The following ANKRD36 variants were observed in gnomAD, a reference collection of about 807,000 sequenced individuals.
ANKRD36 encodes ankyrin repeat domain 36.
Under a neutral mutation model 278.1 loss-of-function variants are expected in ANKRD36, and 179 were observed. That is an observed-to-expected ratio of 0.64 (90% CI 0.57 to 0.73). The LOEUF is 0.73. ANKRD36 is among the 30% of genes least tolerant of loss of function. ANKRD36 has a pLI of 0.00. For synonymous variants in ANKRD36, 320 were observed against 641.1 expected (o/e 0.50, Z 7.57); for missense variants, 1,159 against 1,956.7 (o/e 0.59, Z 7.69).
At chr2:97,116,089 T>C (rs2035246610) in intron 1 of ANKRD36, among the ~76,000 whole-genome samples, 1 of 152,128 alleles carries the variant, frequency 6.6e-6, no homozygotes, top group Non-Finnish European at 1.5e-5. Flanking sequence ...AAATGTAACA[T>C]TTCTTCTTTT....
At position 97,193,018 on chromosome 2, in the gene ANKRD36, C is replaced by G. The variant is rs1384677802; in HGVS notation, c.2414C>G (p.Ala805Gly). 1.8e-5 allele frequency: 29 copies of G among 1,573,182 alleles called. 1 individual carries two copies. Among genetic ancestry groups the G allele is most frequent in the African/African-American group, 1.1e-4 (8 of 73,620 alleles). Reference sequence around the variant, plus strand: ...GAGGAAGGTTCTGTTTTGAGTATAGCCAGAGAAAACAAGGATGGAGAAAAA... The same window carrying G: ...GAGGAAGGTTCTGTTTTGAGTATAGGCAGAGAAAACAAGGATGGAGAAAAA... The part of the protein sequence containing the change: ...SDEEGSVLSI[A>G]RENKDGEKSR... Residue 805 changes from alanine to glycine, a missense_variant, in exon 38 of 76, where the codon GCC becomes GGC. Coordinates refer to ENST00000420699, the MANE Select transcript of ANKRD36 (RefSeq NM_001354587.1).
intron 23 of ANKRD36, 39 bp downstream of exon 23, chr2:97,179,805 T>C: frequency 6.3e-7 from 1 of 1,598,162 alleles, no homozygotes; most frequent in Middle Eastern, 2.0e-4. Context: ...CTATTAACTG[T>C]ATAGTCTATG....
At chr2:97,117,351 G>A (rs542598562) in intron 1 of ANKRD36, among the ~76,000 whole-genome samples, 5 of 151,944 alleles carry the variant, frequency 3.3e-5, no homozygotes, top group African/African-American at 1.2e-4. Flanking sequence ...CCAATTATAT[G>A]AGTAGAACTG....
At chr2:97,164,520 G>T in intron 20 of ANKRD36, 51 bp downstream of exon 20, 1 of 1,517,760 alleles carries the variant, frequency 6.6e-7, no homozygotes, top group Non-Finnish European at 8.8e-7. Flanking sequence ...TGAAAATATT[G>T]AAAATGCTCA....
At chr2:97,256,262 T>G (rs1212836993) in intron 75 of ANKRD36, among the ~76,000 whole-genome samples, 1 of 148,694 alleles carries the variant, frequency 6.7e-6, no homozygotes, top group African/African-American at 2.4e-5. Flanking sequence ...AAGGCTGAGG[T>G]AGGAGAATTG....
chr2:97,158,601 T>G lies in ANKRD36; in HGVS notation c.1335T>G (p.Cys445Trp). Reference protein sequence around the residue: ...QQSAENLDAACGIDKTENGNM... With the variant: ...QQSAENLDAAWGIDKTENGNM... ...TTTTTACTGTAGTAGATGCTGCATG[T>G]GGCATTGACAAAACAGAAAATGGAA... is the stretch of plus-strand genomic sequence containing the variant. Residue 445 changes from cysteine (C) to tryptophan (W), a missense_variant, in exon 17 of 76, where the codon TGT (cysteine) becomes TGG (tryptophan). Coordinates refer to ENST00000420699, the MANE Select transcript of ANKRD36 (RefSeq NM_001354587.1). 1 of 1,536,042 alleles carries G rather than the reference T, an allele frequency of 6.5e-7. No individual in the cohort carries two copies.
At chr2:97,209,542 C>T (rs2153622277) in intron 54 of ANKRD36, 139 bp from the exon 55 acceptor site, 2 of 1,534,632 alleles carry the variant, frequency 1.3e-6, no homozygotes, top group Non-Finnish European at 1.8e-6. Context: ...TGTTCTGATC[C>T]CCAGACACAA....
intron 46 of ANKRD36, among the ~76,000 whole-genome samples, chr2:97,201,510 T>C (rs2061369994): frequency 6.6e-6 from 1 of 151,952 alleles, no homozygotes; most frequent in Non-Finnish European, 1.5e-5. Flanking sequence ...TTGATGATAT[T>C]TTTATTGAGG....
At chr2:97,188,533 T>C (rs190353937) in intron 32 of ANKRD36, among the ~76,000 whole-genome samples, 3 of 149,208 alleles carry the variant, frequency 2.0e-5, no homozygotes, top group Non-Finnish European at 3.0e-5. Context: ...TATTATCTAC[T>C]AGGTATCAGC....
chr2:97,133,046 C>T (rs1198339507), intron 6 of ANKRD36, among the ~76,000 whole-genome samples: 2 of 152,080 alleles, frequency 1.3e-5, no homozygotes, highest in African/African-American at 2.4e-5. Context: ...AGTTTAGGTA[C>T]AGTGAGCTAC....
At chr2:97,176,980 C>G (rs961407135) in intron 22 of ANKRD36, among the ~76,000 whole-genome samples, 14 of 151,734 alleles carry the variant, frequency 9.2e-5, no homozygotes, top group Non-Finnish European at 2.1e-4. Context: ...TCAGCAAAGT[C>G]TCAGGATACA....
rs1271098652 is a variant in ANKRD36, at chr2:97,202,325, C to G, written c.2891C>G (p.Thr964Arg). 6 of 1,574,816 alleles carry G rather than the reference C, an allele frequency of 3.8e-6. No homozygotes were observed. The highest frequency in any genetic ancestry group is 1.4e-5 in the African/African-American group (1 of 73,298). The change falls in exon 48 of 76, where the codon ACA becomes AGA. Residue 964 changes from threonine (T) to arginine (R), a missense_variant. By Grantham distance (71) the Thr-to-Arg change is moderately conservative. Transcript: ENST00000420699. ...TTCGTTTTAAATTCCATTCAGGGTA[C>G]AAGTGACGAGGAAGATTCTGTTTTG... ...SSQKPPALKG[T>R]SDEEDSVLGI...
At chr2:97,159,523 G>C (rs941799916) in intron 17 of ANKRD36, among the ~76,000 whole-genome samples, 2 of 151,470 alleles carry the variant, frequency 1.3e-5, no homozygotes, top group African/African-American at 4.8e-5. Context: ...TGAATGCTGT[G>C]TTCATAGATA....
intron 42 of ANKRD36, among the ~76,000 whole-genome samples, 181 bp downstream of exon 42, chr2:97,196,969 G>A (rs1159180709): frequency 1.3e-5 from 2 of 152,030 alleles, no homozygotes; most frequent in African/African-American, 2.4e-5. Flanking sequence ...CATGATCTTC[G>A]CCGTAAGATT....
chr2:97,143,925 A>T (rs71429330), intron 8 of ANKRD36, among the ~76,000 whole-genome samples: 1 of 152,076 alleles, frequency 6.6e-6, no homozygotes, highest in African/African-American at 2.4e-5. Context: ...ACATTATGAC[A>T]CCACAGGGGT....
At chr2:97,217,484 G>A in intron 64 of ANKRD36, 112 bp downstream of exon 64, 1 of 1,463,224 alleles carries the variant, frequency 6.8e-7, no homozygotes, top group Non-Finnish European at 9.2e-7. Flanking sequence ...TGATTCAGCA[G>A]GCCTGAGATT....
chr2:97,209,763 A>G, intron 55 of ANKRD36, 37 bp from the exon 56 acceptor site: 1 of 1,538,052 alleles, frequency 6.5e-7, no homozygotes, highest in East Asian at 2.3e-5. Flanking sequence ...CCTATGAAAG[A>G]TACCTTACTT....
intron 13 of ANKRD36, 74 bp from the exon 14 acceptor site, chr2:97,152,430 T>C: frequency 1.5e-6 from 2 of 1,305,202 alleles, no homozygotes; most frequent in Non-Finnish European, 2.1e-6. Flanking sequence ...CAAGCCACTG[T>C]GCTCTTTTAT....
In ANKRD36 at chr2:97,205,740, A is replaced by G. The variant is rs745511515; in HGVS notation, c.3062-200A>G. ...AAATCTTACCACGTTTGAAATTGTA[A>G]GGGTATATTTCATGGAGCCTGTATT... On this transcript the variant is annotated intron_variant, in intron 50 of 75. Coordinates refer to ENST00000420699, the MANE Select transcript of ANKRD36 (RefSeq NM_001354587.1). Among the ~76,000 whole-genome samples the G allele has an allele frequency of 2.5e-4, 38 of 151,552 alleles. 1 individual carries two copies. Among genetic ancestry groups the G allele is most frequent in the Admixed American group, 1.3e-3 (20 of 15,160 alleles).
Sources: allele counts gnomAD v4.1 joint callset (sites outside exome capture counted in the v4.1 genomes callset), GRCh38; gene constraint gnomAD v4.1.1; transcripts MANE v1.5; gene names NCBI Gene and HGNC (gene_info 2026-07-23, HGNC 2026-07-21).